Variants in SIK2 observed in about 807,000 individuals in gnomAD.
SIK2 encodes serine/threonine-protein kinase SIK2.
SIK2 carries 29 observed loss-of-function variants against 103.2 expected under a neutral mutation model. That is an observed-to-expected ratio of 0.28 (90% CI 0.21 to 0.38). SIK2 has a LOEUF of 0.38. Among genes scored for constraint, SIK2 ranks in the 10% least tolerant of loss-of-function variants. The pLI is 1.00. For missense variants in SIK2, 879 were observed against 1,171.0 expected, an observed-to-expected ratio of 0.75 and a Z score of 3.64; for synonymous variants, 412 against 446.1, an observed-to-expected ratio of 0.92 and a Z score of 0.96.
rs182621214 is a variant in SIK2, at chr11:111,728,666, C to G, written c.*4537C>G. On this transcript the variant is annotated 3_prime_UTR_variant, in exon 15 of 15. Coordinates refer to ENST00000304987, the MANE Select transcript of SIK2 (RefSeq NM_015191.3). ...AGTATCAGCCGGGCGCGGTGGCTCA[C>G]GCCTGTAATCCCAACACTTTGGGAG... 3 of 152,162 alleles carry G rather than the reference C, an allele frequency of 2.0e-5. No individual in the cohort carries two copies. Among genetic ancestry groups the G allele is most frequent in the African/African-American group, 7.2e-5 (3 of 41,420 alleles). The allele number at this position is 152,162 out of a possible 1,614,324, so 9.4% of individuals were successfully genotyped here. A position where few individuals can be genotyped will look rare whatever the true frequency, so the allele number is the denominator to read the frequency against.
At chr11:111,630,363 A>T (rs1183077202) in intron 3 of SIK2, among the ~76,000 whole-genome samples, 1 of 152,144 alleles carries the variant, frequency 6.6e-6, no homozygotes, top group African/African-American at 2.4e-5. Flanking sequence ...ATCTTGGGTG[A>T]TGGAAATGGA....
chr11:111,606,710 G>A (rs1166555202), intron 1 of SIK2, among the ~76,000 whole-genome samples: 1 of 151,802 alleles, frequency 6.6e-6, no homozygotes, highest in African/African-American at 2.4e-5. Flanking sequence ...AGAAATTGCT[G>A]GTAAAGTCCT....
At chr11:111,657,493 G>A (rs960790366) in intron 3 of SIK2, among the ~76,000 whole-genome samples, 9 of 152,068 alleles carry the variant, frequency 5.9e-5, no homozygotes, top group African/African-American at 1.4e-4. Flanking sequence ...AGCCTCAAGC[G>A]ATCCTCCCAC....
intron 3 of SIK2, among the ~76,000 whole-genome samples, chr11:111,673,170 A>C (rs1427673213): frequency 6.6e-6 from 1 of 152,214 alleles, no homozygotes; most frequent in Non-Finnish European, 1.5e-5. Flanking sequence ...CACAGAAGAA[A>C]ACCTTGCTCA....
At chr11:111,683,984 A>G (rs1370072597) in intron 3 of SIK2, among the ~76,000 whole-genome samples, 2 of 152,228 alleles carry the variant, frequency 1.3e-5, no homozygotes, top group Non-Finnish European at 2.9e-5. Context: ...CATGGGGAAG[A>G]TAATAGATAC....
chr11:111,627,764 T>TG (rs1941979512), intron 3 of SIK2, among the ~76,000 whole-genome samples: 2 of 152,256 alleles, frequency 1.3e-5, no homozygotes, highest in Admixed American at 6.5e-5. Flanking sequence ...TACTCTGTGC[T>TG]GGGAGGGTGT....
chr11:111,661,412 C>G (rs1013480130), intron 3 of SIK2, among the ~76,000 whole-genome samples: 1 of 152,142 alleles, frequency 6.6e-6, no homozygotes, highest in African/African-American at 2.4e-5. Context: ...TTACCAAGAG[C>G]CCTGATGCCT....
intron 8 of SIK2, among the ~76,000 whole-genome samples, chr11:111,710,797 C>A (rs11213985): frequency 0.58 from 88,055 of 152,102 alleles, 29,301 homozygotes; most frequent in East Asian, 0.87. Context: ...CGTGATGGAG[C>A]CAGGAATCAA....
Position 111,720,464 on chromosome 11 carries a change from G to T in SIK2, c.1496-14G>T, listed in dbSNP as rs1943767892. 1 of 1,586,304 alleles carries T rather than the reference G, an allele frequency of 6.3e-7. No individual in the cohort carries two copies. The highest frequency in any genetic ancestry group is 8.6e-7 in the Non-Finnish European group (1 of 1,167,130). On this transcript the variant is annotated splice_polypyrimidine_tract_variant and intron_variant, in intron 10 of 14. Transcript: ENST00000304987. ...TATTGCTGTTGGTTTTATCTGTTCT[G>T]TTTTCTCTTAAAGGGAAAATTTTCT...
In SIK2 at chr11:111,701,999, C is replaced by T. The variant is rs962663684; in HGVS notation, c.727+424C>T. On this transcript the variant is annotated intron_variant, in intron 6 of 14. Coordinates refer to ENST00000304987, the MANE Select transcript of SIK2 (RefSeq NM_015191.3). This position sits in a 1 kb window ranked among gnomAD's most constrained non-coding sequence, Gnocchi z 4.2. ...ATGATATGCCATAATCCCTGCCTGT[C>T]GTGTATTGAGCTGTTACCTAGATAG... 8.5e-5 allele frequency among the ~76,000 whole-genome samples: 13 copies of T among 152,144 alleles called. No homozygotes were observed. The highest frequency in any genetic ancestry group is 7.2e-4 in the Admixed American group (11 of 15,274).
At chr11:111,646,912 T>A (rs1942264675) in intron 3 of SIK2, among the ~76,000 whole-genome samples, 1 of 152,228 alleles carries the variant, frequency 6.6e-6, no homozygotes, top group Admixed American at 6.5e-5. Context: ...ACAAATAAAG[T>A]TGCTGTAAAT....
At chr11:111,667,230 C>T (rs1257052982) in intron 3 of SIK2, among the ~76,000 whole-genome samples, 3 of 151,530 alleles carry the variant, frequency 2.0e-5, no homozygotes, top group Non-Finnish European at 4.4e-5. Context: ...AGACCATGCC[C>T]GGCCGTAGTC....
rs1941639906 is a variant in SIK2 at position 111,605,615 on chromosome 11, TTGACTC to T, written c.135+2921_135+2926del. On this transcript the variant is annotated intron_variant, in intron 1 of 14. Transcript: ENST00000304987. ...AACTTAGAGGTCTTTTTTCCCAAGT[TTGACTC>T]TGAGGCAAATTTTAGGGCTTAATCA... Among the ~76,000 whole-genome samples the T allele has an allele frequency of 2.0e-5, 3 of 152,242 alleles. 1 individual carries two copies. In the South Asian group the frequency reaches 6.2e-4, roughly 32 times the overall value.
chr11:111,623,650 G>A (rs1039203222), intron 3 of SIK2, among the ~76,000 whole-genome samples: 2 of 152,046 alleles, frequency 1.3e-5, no homozygotes, highest in African/African-American at 4.8e-5. Flanking sequence ...AGGTTTTTTG[G>A]CCTGACAAGT....
At chr11:111,655,284 C>G (rs951909346) in intron 3 of SIK2, among the ~76,000 whole-genome samples, 5 of 152,084 alleles carry the variant, frequency 3.3e-5, no homozygotes, top group East Asian at 1.9e-4. Context: ...TGCCTGTAAT[C>G]CCAGCTACTC....
chr11:111,689,666 C>T (rs545307920), intron 4 of SIK2, among the ~76,000 whole-genome samples: 1 of 152,258 alleles, frequency 6.6e-6, no homozygotes, highest in South Asian at 2.1e-4. Context: ...GTTGGATACT[C>T]ATTGAACTTA....
At chr11:111,712,420 G>T (rs1260232431) in intron 9 of SIK2, 45 bp downstream of exon 9, 1 of 1,577,820 alleles carries the variant, frequency 6.3e-7, no homozygotes, top group Non-Finnish European at 8.6e-7. Context: ...TTTGGCGAGA[G>T]ATTTCAGTTT....
chr11:111,641,007 T>G (rs930715561), intron 3 of SIK2, among the ~76,000 whole-genome samples: 5 of 152,172 alleles, frequency 3.3e-5, no homozygotes, highest in Non-Finnish European at 7.4e-5. Flanking sequence ...CAGTATAGCA[T>G]CTGGTAAAGG....
chr11:111,665,180 G>T (rs1942519196), intron 3 of SIK2, among the ~76,000 whole-genome samples: 1 of 151,956 alleles, frequency 6.6e-6, no homozygotes, highest in Non-Finnish European at 1.5e-5. Context: ...GGGATGGAAT[G>T]ATCACAGTAA....
Sources: allele counts gnomAD v4.1 joint callset (sites outside exome capture counted in the v4.1 genomes callset), GRCh38; gene constraint gnomAD v4.1.1; non-coding constraint Gnocchi (gnomAD v3.1); transcripts MANE v1.5; gene names NCBI Gene and HGNC (gene_info 2026-07-23, HGNC 2026-07-21).